MICAL2: variants seen among roughly 807,000 people sequenced by gnomAD.
MICAL2 encodes microtubule associated monooxygenase, calponin and LIM domain containing 2.
Under a neutral mutation model 127.3 loss-of-function variants are expected in MICAL2, and 77 were observed. That is an observed-to-expected ratio of 0.60 (90% CI 0.50 to 0.73). The LOEUF (loss-of-function observed/expected upper bound fraction) is 0.73. MICAL2 is among the 30% of genes least tolerant of loss of function. MICAL2 has a pLI of 0.00. For missense variants in MICAL2, 1,351 were observed against 1,434.4 expected (o/e 0.94, Z 0.94); for synonymous variants, 570 against 551.1 (o/e 1.03, Z -0.48).
Position 12,278,740 on chromosome 11 carries a change from G to T in MICAL2, c.88-2193G>T, listed in dbSNP as rs187777119. Among the ~76,000 whole-genome samples, 3 of 152,254 alleles carry T rather than the reference G, an allele frequency of 2.0e-5. No individual in the cohort carries two copies. The East Asian group carries it at 5.8e-4, about 29-fold the overall frequency. ...GATTTGTTAATGGACTGAATGAGAG[G>T]GAAAGAGAATTTCAGAGTGACTCTC... is the stretch of plus-strand genomic sequence containing the variant. On this transcript the variant is annotated intron_variant, in intron 1 of 2. Transcript: ENST00000529028.
intron 3 of MICAL2, among the ~76,000 whole-genome samples, chr11:12,188,399 G>T (rs572076387): frequency 6.6e-6 from 1 of 152,136 alleles, no homozygotes; most frequent in Non-Finnish European, 1.5e-5. Context: ...TTCCAGGGAC[G>T]TTTGATAATA....
intron 2 of MICAL2, among the ~76,000 whole-genome samples, chr11:12,152,080 G>C (rs1216792003): frequency 1.3e-5 from 2 of 150,352 alleles, no homozygotes; most frequent in Non-Finnish European, 2.9e-5. Context: ...TTGAGGCCAG[G>C]AGTTTGAGAC....
Position 12,244,124 on chromosome 11 carries a change from G to A in MICAL2, c.2784+12G>A. 6.2e-7 allele frequency: 1 copy of A among 1,614,158 alleles called. No homozygotes were observed. Among genetic ancestry groups the A allele is most frequent in the African/African-American group, 1.3e-5 (1 of 75,042 alleles). ...CTCCTGCCAGAAAGGTAGTTGTCCT[G>A]AACAATTTGCTTTCCCTATTCCCTG... is the stretch of plus-strand genomic sequence containing the variant. On this transcript the variant is annotated intron_variant, in intron 21 of 27. Transcript: ENST00000683283.
At chr11:12,235,409 G>C (rs1858906821) in intron 15 of MICAL2, among the ~76,000 whole-genome samples, 1 of 152,096 alleles carries the variant, frequency 6.6e-6, no homozygotes, top group Non-Finnish European at 1.5e-5. Context: ...TCTCAGTAGG[G>C]CAACCATGTC....
intron 3 of MICAL2, among the ~76,000 whole-genome samples, chr11:12,195,172 A>G (rs774680202): frequency 6.6e-6 from 1 of 152,170 alleles, no homozygotes; most frequent in African/African-American, 2.4e-5. Context: ...TGGGAGGATC[A>G]CTAGGGCCCA....
At chr11:12,249,338 G>A in intron 22 of MICAL2, 92 bp downstream of exon 22, 1 of 761,452 alleles carries the variant, frequency 1.3e-6, no homozygotes, top group South Asian at 1.5e-5. Flanking sequence ...AAGCGCATAT[G>A]ATCAGCAGCA....
At chr11:12,148,243 A>C (rs961418132) in intron 2 of MICAL2, among the ~76,000 whole-genome samples, 1 of 152,146 alleles carries the variant, frequency 6.6e-6, no homozygotes, top group African/African-American at 2.4e-5. Context: ...TTCAGTCAGC[A>C]CCATGGAGCT....
intron 2 of MICAL2, among the ~76,000 whole-genome samples, chr11:12,140,025 C>T (rs1050641400): frequency 6.6e-6 from 1 of 152,128 alleles, no homozygotes; most frequent in East Asian, 1.9e-4. Flanking sequence ...CTTGCAACTT[C>T]CTGGACTTGA....
intron 2 of MICAL2, among the ~76,000 whole-genome samples, chr11:12,152,249 G>T (rs1211520109): frequency 8.5e-6 from 1 of 117,982 alleles, no homozygotes; most frequent in Non-Finnish European, 1.6e-5. Context: ...AGTAAGCCAA[G>T]ATTGCACCAC....
At chr11:12,292,982 G>A (rs780572840), downstream of MICAL2, among the ~76,000 whole-genome samples, 1 of 152,178 alleles carries the variant, frequency 6.6e-6, no homozygotes, top group African/African-American at 2.4e-5. Flanking sequence ...TCTCAGTGGT[G>A]CAATGTGGGA....
At chr11:12,251,924 A>G (rs924369309) in intron 22 of MICAL2, among the ~76,000 whole-genome samples, 4 of 152,214 alleles carry the variant, frequency 2.6e-5, no homozygotes, top group Non-Finnish European at 4.4e-5. Flanking sequence ...AAAAGCTCCA[A>G]AAAGTATAGT....
chr11:12,294,820 T>TCCTCCTCCTCCC, downstream of MICAL2: 1 of 1,513,500 alleles, frequency 6.6e-7, no homozygotes. Flanking sequence ...CTCCTCCTCC[T>TCCTCCTCCTCCC]CCTCCTCCTC....
At chr11:12,283,343 TA>T (rs56832587) in intron 2 of MICAL2, among the ~76,000 whole-genome samples, 9,762 of 132,502 alleles carry the variant, frequency 0.074, 361 homozygotes, top group Non-Finnish European at 0.082. Flanking sequence ...GTGTGGAGTT[TA>T]AAAAAAAAAA....
chr11:12,157,328 CTTG>C (rs1225094520), intron 2 of MICAL2, among the ~76,000 whole-genome samples: 1 of 152,150 alleles, frequency 6.6e-6, no homozygotes, highest in Non-Finnish European at 1.5e-5. Context: ...AAACCTTGAG[CTTG>C]ACTCTCAGAT....
intron 26 of MICAL2, chr11:12,261,833 A>G: frequency 2.0e-6 from 2 of 985,590 alleles, no homozygotes; most frequent in East Asian, 1.1e-4. Context: ...GTTTTCTCCA[A>G]TTTTTGCTGG....
At chr11:12,280,136 G>A (rs2134763656) in intron 1 of MICAL2, among the ~76,000 whole-genome samples, 1 of 152,278 alleles carries the variant, frequency 6.6e-6, no homozygotes, top group South Asian at 2.1e-4. Flanking sequence ...TAAGGCCCAT[G>A]TTAAATACCA....
At position 12,117,586 on chromosome 11, in the gene MICAL2, C is replaced by T. The variant is rs375103447; in HGVS notation, c.-149+6860C>T. Among the ~76,000 whole-genome samples, 5 of 152,322 alleles carry T rather than the reference C, an allele frequency of 3.3e-5. No individual in the cohort carries two copies. The East Asian group carries it at 9.7e-4, about 29-fold the overall frequency. Reference sequence around the variant, plus strand: ...TGTAGGGGAGACTGAAGAAGCAGCTCTCACTAACAAGAGCTGCCCTCTGAA... The same window carrying T: ...TGTAGGGGAGACTGAAGAAGCAGCTTTCACTAACAAGAGCTGCCCTCTGAA... On this transcript the variant is annotated intron_variant, in intron 1 of 27. Coordinates refer to ENST00000683283, the MANE Select transcript of MICAL2 (RefSeq NM_001282663.2).
At chr11:12,166,592 A>C (rs1450798296) in intron 3 of MICAL2, among the ~76,000 whole-genome samples, 1 of 152,228 alleles carries the variant, frequency 6.6e-6, no homozygotes, top group Non-Finnish European at 1.5e-5. Context: ...TCTCTGTAAA[A>C]TGAGGATAAT....
At chr11:12,227,661 T>C (rs1857653325) in intron 15 of MICAL2, among the ~76,000 whole-genome samples, 2 of 152,364 alleles carry the variant, frequency 1.3e-5, no homozygotes, top group East Asian at 3.9e-4. Context: ...GAATAATATA[T>C]GGACCTTGCC....
Sources: gnomAD v4.1 joint callset for allele counts (sites outside exome capture counted in the v4.1 genomes callset) on GRCh38, gnomAD v4.1.1 for gene constraint, MANE v1.5 for transcripts, NCBI Gene and HGNC (gene_info 2026-07-23, HGNC 2026-07-21) for gene names.